RBFOX1: variants seen among roughly 807,000 people sequenced by gnomAD.
RBFOX1 encodes RNA binding protein fox-1 homolog 1.
In RBFOX1, 8 loss-of-function variants were observed where a neutral mutation model predicts 57.7. That is an observed-to-expected ratio of 0.14 (90% CI 0.08 to 0.25). RBFOX1 has a LOEUF of 0.25. RBFOX1 is among the 10% of genes least tolerant of loss of function. The pLI, the probability that RBFOX1 is intolerant of heterozygous loss-of-function variation, is 1.00. For missense variants in RBFOX1, 611 were observed against 548.5 expected (o/e 1.11, Z -1.14); for synonymous variants, 326 against 222.4 (o/e 1.47, Z -4.15).
At chr16:5,704,253 A>C (rs2051155672) in intron 3 of RBFOX1, among the ~76,000 whole-genome samples, 1 of 152,190 alleles carries the variant, frequency 6.6e-6, no homozygotes, top group African/African-American at 2.4e-5. Context: ...TTTGGATAAA[A>C]GTTATGCAAA....
At chr16:6,470,659 A>C (rs966795500) in intron 2 of RBFOX1, among the ~76,000 whole-genome samples, 1 of 152,164 alleles carries the variant, frequency 6.6e-6, no homozygotes, top group African/African-American at 2.4e-5. Context: ...GGTCAAAATG[A>C]GCCTCTTATC....
intron 1 of RBFOX1, among the ~76,000 whole-genome samples, chr16:5,411,076 T>C (rs1277458580): frequency 6.6e-6 from 1 of 152,160 alleles, no homozygotes; most frequent in Non-Finnish European, 1.5e-5. Flanking sequence ...CTTTTGGGGA[T>C]ATTGGGATGG....
intron 4 of RBFOX1, among the ~76,000 whole-genome samples, chr16:5,869,860 A>G (rs1003284157): frequency 2.0e-5 from 3 of 152,160 alleles, no homozygotes; most frequent in Non-Finnish European, 4.4e-5. Flanking sequence ...CACCAAAACA[A>G]CACATGCAAG....
chr16:6,614,856 T>A (rs1402201442), intron 2 of RBFOX1, among the ~76,000 whole-genome samples: 1 of 152,242 alleles, frequency 6.6e-6, no homozygotes, highest in Non-Finnish European at 1.5e-5. Flanking sequence ...TAATCACTTC[T>A]ATTAATAAAG....
chr16:7,224,193 A>G (rs964922786), intron 4 of RBFOX1, among the ~76,000 whole-genome samples: 2 of 147,000 alleles, frequency 1.4e-5, no homozygotes, highest in African/African-American at 5.0e-5. Context: ...CACTCAGTGC[A>G]ATACTATAAT....
intron 3 of RBFOX1, among the ~76,000 whole-genome samples, chr16:5,701,044 C>T (rs953669685): frequency 6.6e-6 from 1 of 152,210 alleles, no homozygotes; most frequent in Non-Finnish European, 1.5e-5. Flanking sequence ...TGTTCTTGAT[C>T]TAGATTTTTC....
At chr16:7,330,501 T>TA (rs2096672486) in intron 4 of RBFOX1, among the ~76,000 whole-genome samples, 2 of 83,834 alleles carry the variant, frequency 2.4e-5, no homozygotes, top group African/African-American at 1.2e-4. Context: ...TGTGTGTGTG[T>TA]GTGTGTGTTT....
intron 4 of RBFOX1, among the ~76,000 whole-genome samples, chr16:7,354,794 C>T (rs1002166295): frequency 6.6e-6 from 1 of 152,098 alleles, no homozygotes; most frequent in Non-Finnish European, 1.5e-5. Context: ...TTTTCAGTGC[C>T]TAGGAGCTAC....
At chr16:5,909,425 T>C (rs1567135865) in intron 4 of RBFOX1, among the ~76,000 whole-genome samples, 1 of 152,098 alleles carries the variant, frequency 6.6e-6, no homozygotes, top group Non-Finnish European at 1.5e-5. Context: ...AATAAAATAA[T>C]AGAGAAGCCC....
At chr16:7,277,345 G>C (rs1254987401) in intron 4 of RBFOX1, among the ~76,000 whole-genome samples, 1 of 152,138 alleles carries the variant, frequency 6.6e-6, no homozygotes, top group African/African-American at 2.4e-5. Context: ...TTTGTATGTA[G>C]ATATCTCCTT....
chr16:5,434,801 A>G (rs2151522391), intron 1 of RBFOX1, among the ~76,000 whole-genome samples: 1 of 152,304 alleles, frequency 6.6e-6, no homozygotes, highest in South Asian at 2.1e-4. Flanking sequence ...TATAACTAAT[A>G]TCATTTATTC....
intron 4 of RBFOX1, among the ~76,000 whole-genome samples, chr16:7,309,497 A>G (rs538606475): frequency 2.6e-5 from 4 of 152,334 alleles, no homozygotes; most frequent in African/African-American, 4.8e-5. Context: ...ATAACATGCA[A>G]CTGGCCGCTC....
chr16:7,241,903 A>C (rs931493232), intron 4 of RBFOX1, among the ~76,000 whole-genome samples: 1 of 152,146 alleles, frequency 6.6e-6, no homozygotes, highest in African/African-American at 2.4e-5. Flanking sequence ...TTGTGTATAC[A>C]TAATTACATG....
At chr16:5,333,866 A>C (rs2064829762) in intron 1 of RBFOX1, among the ~76,000 whole-genome samples, 1 of 152,236 alleles carries the variant, frequency 6.6e-6, no homozygotes, top group Non-Finnish European at 1.5e-5. Flanking sequence ...GAAAAGGTAC[A>C]GTAAAAATAC....
At chr16:6,396,974 C>T (rs1304090034) in intron 2 of RBFOX1, among the ~76,000 whole-genome samples, 1 of 151,924 alleles carries the variant, frequency 6.6e-6, no homozygotes, top group Non-Finnish European at 1.5e-5. Context: ...CACAACAGAT[C>T]AGTGAATTTA....
Position 5,920,533 on chromosome 16 carries a change from A to G in RBFOX1, c.351+53198A>G, listed in dbSNP as rs530928798. On this transcript the variant is annotated intron_variant, in intron 4 of 19. Coordinates refer to the RBFOX1 transcript ENST00000641259. ...TAGGGGAACTGATCACAGCTTTTTG[A>G]GTGTGTGCCATGGTAGCCTTGACCT... 4.6e-5 allele frequency among the ~76,000 whole-genome samples: 7 copies of G among 152,142 alleles called. No individual in the cohort carries two copies. The South Asian group carries it at 1.5e-3, about 32-fold the overall frequency.
chr16:5,315,246 G>A (rs964027254), intron 1 of RBFOX1, among the ~76,000 whole-genome samples: 2 of 152,232 alleles, frequency 1.3e-5, no homozygotes, highest in Non-Finnish European at 2.9e-5. Flanking sequence ...TCTGCTGTGG[G>A]ACGGGGGAGG....
chr16:7,096,771 A>C (rs957059214), intron 4 of RBFOX1, among the ~76,000 whole-genome samples: 10 of 151,918 alleles, frequency 6.6e-5, no homozygotes, highest in African/African-American at 2.4e-4. Flanking sequence ...ATCTCTAGTA[A>C]AAATACAAAA....
At chr16:6,764,934 C>T (rs910235931) in intron 3 of RBFOX1, among the ~76,000 whole-genome samples, 3 of 150,646 alleles carry the variant, frequency 2.0e-5, no homozygotes, top group East Asian at 2.0e-4. Context: ...AAGACTGTTT[C>T]AGAAAAAGAA....
Sources: allele counts gnomAD v4.1 joint callset (sites outside exome capture counted in the v4.1 genomes callset), GRCh38; gene constraint gnomAD v4.1.1; transcripts MANE v1.5; gene names NCBI Gene and HGNC (gene_info 2026-07-23, HGNC 2026-07-21).